Variants in ASTN2 observed in about 807,000 individuals in gnomAD.
ASTN2 encodes the protein astrotactin-2.
In ASTN2, 54 loss-of-function variants were observed where a neutral mutation model predicts 139.8. The observed-to-expected ratio is 0.39, with a 90% CI of 0.31 to 0.48. ASTN2 has a LOEUF of 0.48. Ranked by LOEUF, ASTN2 falls within the 20% of genes least tolerant of loss-of-function variation. The probability of loss-of-function intolerance (pLI) is 0.95; values close to 1 mark genes in which losing one functional copy is unlikely to be tolerated. For synonymous variants in ASTN2, 756 were observed against 719.5 expected (o/e 1.05, Z -0.81); for missense variants, 1,565 against 1,725.1 (o/e 0.91, Z 1.64).
chr9:117,236,183 A>G (rs539389753), intron 2 of ASTN2, among the ~76,000 whole-genome samples: 1 of 152,274 alleles, frequency 6.6e-6, no homozygotes, highest in South Asian at 2.1e-4. Context: ...TCGGAAATAA[A>G]CTCGGATGGA....
At chr9:117,339,145 C>T (rs1401968395) in intron 1 of ASTN2, among the ~76,000 whole-genome samples, 3 of 152,084 alleles carry the variant, frequency 2.0e-5, no homozygotes, top group African/African-American at 7.2e-5. Flanking sequence ...CACCATCAAA[C>T]CCCCAATTTT....
At chr9:116,705,363 A>C (rs926606172) in intron 16 of ASTN2, among the ~76,000 whole-genome samples, 2 of 152,204 alleles carry the variant, frequency 1.3e-5, no homozygotes, top group Non-Finnish European at 2.9e-5. Context: ...GGTAAGGGAA[A>C]GTCTAACCCC....
At chr9:116,952,923 T>C (rs886809818) in intron 10 of ASTN2, among the ~76,000 whole-genome samples, 13 of 152,134 alleles carry the variant, frequency 8.5e-5, no homozygotes, top group East Asian at 3.9e-4. Flanking sequence ...CCTAACAAAA[T>C]GTGAAAGACC....
At chr9:116,759,588 C>T (rs913068119) in intron 13 of ASTN2, among the ~76,000 whole-genome samples, 11 of 152,084 alleles carry the variant, frequency 7.2e-5, no homozygotes, top group African/African-American at 2.7e-4. Context: ...TTTCTTTCTG[C>T]TTGTATACTG....
rs538503244 is a variant in ASTN2 at position 117,319,987 on chromosome 9, T to A, written c.443-28474A>T. Among the ~76,000 whole-genome samples, 21 of 152,330 alleles carry A rather than the reference T, an allele frequency of 1.4e-4. 1 individual carries two copies. The South Asian group carries it at 4.1e-3, about 30-fold the overall frequency. On this transcript the variant is annotated intron_variant, in intron 1 of 22. Coordinates refer to ENST00000313400, the MANE Select transcript of ASTN2 (RefSeq NM_001365068.1). Reference sequence around the variant, plus strand: ...GAAAGTGGATTCAAGTAGAATTTCTTTTAAATGAACTTTATGGTTCTTTTG... The same window carrying A: ...GAAAGTGGATTCAAGTAGAATTTCTATTAAATGAACTTTATGGTTCTTTTG...
intron 13 of ASTN2, among the ~76,000 whole-genome samples, chr9:116,790,178 G>A (rs531020903): frequency 7.9e-5 from 12 of 151,948 alleles, no homozygotes; most frequent in African/African-American, 2.4e-4. Flanking sequence ...TGCCTGCCTC[G>A]GCCTCCCAAA....
At chr9:116,630,830 C>T (rs1856709964) in intron 17 of ASTN2, among the ~76,000 whole-genome samples, 1 of 150,770 alleles carries the variant, frequency 6.6e-6, no homozygotes, top group Non-Finnish European at 1.5e-5. Flanking sequence ...GGGTTAATAT[C>T]CAGAATATAT....
At chr9:117,347,879 T>C (rs1255503315) in intron 1 of ASTN2, among the ~76,000 whole-genome samples, 1 of 152,162 alleles carries the variant, frequency 6.6e-6, no homozygotes, top group Non-Finnish European at 1.5e-5. Flanking sequence ...GGGACCTAAG[T>C]GTTATATGTC....
chr9:116,608,110 A>G (rs1211720687), intron 19 of ASTN2, among the ~76,000 whole-genome samples: 1 of 152,206 alleles, frequency 6.6e-6, no homozygotes, highest in Admixed American at 6.5e-5. Context: ...CTGTTCAGGG[A>G]GAGGAAATGC....
At chr9:117,333,430 A>G (rs1184503510) in intron 1 of ASTN2, among the ~76,000 whole-genome samples, 2 of 152,198 alleles carry the variant, frequency 1.3e-5, no homozygotes, top group Admixed American at 6.5e-5. Context: ...GGTTCATTAT[A>G]AAGAGAAAAT....
chr9:117,337,320 T>C (rs1828918699), intron 1 of ASTN2, among the ~76,000 whole-genome samples: 1 of 152,200 alleles, frequency 6.6e-6, no homozygotes, highest in Non-Finnish European at 1.5e-5. Flanking sequence ...CTGTGATTTC[T>C]GGGTTGCAGA....
At chr9:116,950,131 G>A (rs1835517673) in intron 10 of ASTN2, among the ~76,000 whole-genome samples, 1 of 152,136 alleles carries the variant, frequency 6.6e-6, no homozygotes, top group Non-Finnish European at 1.5e-5. Flanking sequence ...TGCCAGCATT[G>A]GTATTTTGGG....
rs986538518 is a variant in ASTN2, at chr9:116,439,393, G to A, written c.3782+1216C>T. Among the ~76,000 whole-genome samples, 5 of 139,740 alleles carry A rather than the reference G, an allele frequency of 3.6e-5. 1 individual carries two copies. Among genetic ancestry groups the A allele is most frequent in the Admixed American group, 1.4e-4 (2 of 14,636 alleles). The allele number at this position is 139,740 out of a possible 152,430, so 91.7% of individuals were successfully genotyped here. A position where few individuals can be genotyped will look rare whatever the true frequency, so the allele number is the denominator to read the frequency against. ...TTTTTTGTATTTTTAGTAGAGACGGGGTTTCACCGTTTTAGCCGGGATGGT... is the reference window on the plus strand; with the variant it reads ...TTTTTTGTATTTTTAGTAGAGACGGAGTTTCACCGTTTTAGCCGGGATGGT... On this transcript the variant is annotated intron_variant, in intron 22 of 22. Transcript: ENST00000313400.
chr9:116,440,640 C>T lies in ASTN2; in HGVS notation c.3751G>A (p.Val1251Ile), dbSNP rs147429038. 283 of 1,613,786 alleles carry T rather than the reference C, an allele frequency of 1.8e-4. No homozygotes were observed. The highest frequency in any genetic ancestry group is 2.7e-4 in the African/African-American group (20 of 74,916). Residue 1251 changes from valine (V) to isoleucine (I), a missense_variant, in exon 22 of 23, where the codon GTC (valine) becomes ATC (isoleucine). Physicochemically the swap from Val to Ile is conservative, Grantham distance 29 (BLOSUM62 3). Coordinates refer to ENST00000313400, the MANE Select transcript of ASTN2 (RefSeq NM_001365068.1). The stretch of plus-strand genomic sequence containing the variant: ...CCCAGCTCATCCTCACTTCTCCAGA[C>T]GAAGTCGCCAAACTTTTCATAGTGA... Reference protein sequence around the residue: ...NSHYEKFGDFVWRSEDELGPR... With the variant: ...NSHYEKFGDFIWRSEDELGPR...
At chr9:117,102,522 T>TTTA (rs766613951) in intron 4 of ASTN2, among the ~76,000 whole-genome samples, 152 of 152,062 alleles carry the variant, frequency 1.0e-3, no homozygotes, top group African/African-American at 3.4e-3. Flanking sequence ...TTTAAAATGA[T>TTTA]TTATTATTAT....
At chr9:116,836,674 A>G (rs1329782214) in intron 11 of ASTN2, among the ~76,000 whole-genome samples, 1 of 152,104 alleles carries the variant, frequency 6.6e-6, no homozygotes, top group African/African-American at 2.4e-5. Context: ...AATAGGACAC[A>G]TGAGGCAAAG....
intron 22 of ASTN2, among the ~76,000 whole-genome samples, chr9:116,437,754 T>A (rs1282731207): frequency 6.6e-6 from 1 of 152,220 alleles, no homozygotes; most frequent in East Asian, 1.9e-4. Flanking sequence ...TCTTCACTTC[T>A]GCCCGCCAGT....
In ASTN2 at chr9:117,403,532, C is replaced by T. The variant is rs141137743; in HGVS notation, c.442+10965G>A. On this transcript the variant is annotated intron_variant, in intron 1 of 22. Transcript: ENST00000313400. ...CCAGACGTCTTCCTGTGCCTTCCCCCGATGCCCCACCCCCTTCCCTCCTCC... is the reference window on the plus strand; with the variant it reads ...CCAGACGTCTTCCTGTGCCTTCCCCTGATGCCCCACCCCCTTCCCTCCTCC... Among the ~76,000 whole-genome samples the T allele has an allele frequency of 3.5e-3, 528 of 152,204 alleles. 3 individuals carry two copies. The highest frequency in any genetic ancestry group is 0.012 in the African/African-American group (513 of 41,530).
intron 3 of ASTN2, among the ~76,000 whole-genome samples, chr9:117,176,831 C>T (rs1440019518): frequency 6.6e-6 from 1 of 152,094 alleles, no homozygotes; most frequent in East Asian, 1.9e-4. Flanking sequence ...ACTTGAGAGA[C>T]TGAGGTAGGA....
Sources: gnomAD v4.1 joint callset for allele counts (sites outside exome capture counted in the v4.1 genomes callset) on GRCh38, gnomAD v4.1.1 for gene constraint, MANE v1.5 for transcripts, NCBI Gene and HGNC (gene_info 2026-07-23, HGNC 2026-07-21) for gene names.